Variants in TEX9 observed in about 807,000 individuals in gnomAD.
TEX9 encodes testis-expressed protein 9.
In TEX9, 74 loss-of-function variants were observed where a neutral mutation model predicts 59.6. The ratio of observed to expected loss-of-function variants is 1.24; its 90% CI spans 1.03 to 1.51. The LOEUF (loss-of-function observed/expected upper bound fraction) is 1.51. Among genes scored for constraint, TEX9 ranks in the 40% most tolerant of loss-of-function variants. The pLI is 0.00. For synonymous variants in TEX9, 186 were observed against 152.2 expected (o/e 1.22, Z -1.64); for missense variants, 522 against 447.8 (o/e 1.17, Z -1.49).
At chr15:56,430,663 A>C (rs2050564363) in intron 12 of TEX9, among the ~76,000 whole-genome samples, 1 of 152,180 alleles carries the variant, frequency 6.6e-6, no homozygotes, top group South Asian at 2.1e-4. Context: ...TACTGGTGTT[A>C]CCAGTGACAA....
At chr15:56,340,567 C>T (rs1480439871) in intron 1 of TEX9, among the ~76,000 whole-genome samples, 1 of 152,110 alleles carries the variant, frequency 6.6e-6, no homozygotes, top group East Asian at 1.9e-4. Context: ...AGATCCTTGC[C>T]AGGGTGTTAA....
chr15:56,334,878 A>G (rs1170058260), intron 1 of TEX9, among the ~76,000 whole-genome samples: 4 of 152,198 alleles, frequency 2.6e-5, no homozygotes, highest in African/African-American at 4.8e-5. Flanking sequence ...AAGAAGACAT[A>G]CAAATGGCAA....
intron 3 of TEX9, among the ~76,000 whole-genome samples, chr15:56,376,020 A>T (rs1242845253): frequency 6.8e-6 from 1 of 146,798 alleles, no homozygotes; most frequent in African/African-American, 2.5e-5. Flanking sequence ...GAATTGAACG[A>T]TGAGAACACG....
intron 1 of TEX9, among the ~76,000 whole-genome samples, chr15:56,250,639 A>G (rs1342934189): frequency 3.3e-5 from 5 of 152,214 alleles, no homozygotes; most frequent in Non-Finnish European, 2.9e-5. Context: ...GTATGTTTAC[A>G]TATTTTAAAG....
In TEX9 at chr15:56,365,763, G is replaced by C. The variant is rs149986480; in HGVS notation, c.119+93G>C. 1.5e-4 allele frequency: 227 copies of C among 1,545,330 alleles called. 1 individual carries two copies. The highest frequency in any genetic ancestry group is 8.6e-4 in the Middle Eastern group (5 of 5,812). ...TTTTCTGGAGACTGGCTGGATCTTC[G>C]GGACCACTCACTCTGCAGCATTCCC... On this transcript the variant is annotated intron_variant, in intron 2 of 12. Transcript: ENST00000352903.
intron 1 of TEX9, among the ~76,000 whole-genome samples, chr15:56,294,367 CTCT>C (rs2045170167): frequency 6.6e-6 from 1 of 152,178 alleles, no homozygotes; most frequent in African/African-American, 2.4e-5. Context: ...CTAACCTTGA[CTCT>C]TCTTCCTTCA....
At chr15:56,450,110 T>G (rs529576331), downstream of TEX9, among the ~76,000 whole-genome samples, 220 of 152,320 alleles carry the variant, frequency 1.4e-3, 1 homozygote, top group African/African-American at 4.9e-3. Context: ...AGAAGAGAAT[T>G]TGCAGTTTGT....
intron 1 of TEX9, among the ~76,000 whole-genome samples, chr15:56,343,187 AT>A (rs1352797106): frequency 1.3e-5 from 2 of 152,178 alleles, no homozygotes; most frequent in Admixed American, 1.3e-4. Flanking sequence ...AAATTAGAAA[AT>A]ATCTGAACTG....
At chr15:56,410,734 A>C (rs183972641) in intron 9 of TEX9, among the ~76,000 whole-genome samples, 6 of 152,326 alleles carry the variant, frequency 3.9e-5, no homozygotes, top group Admixed American at 3.3e-4. Flanking sequence ...ATAGGTTACA[A>C]AGTCATCAGC....
chr15:56,262,413 T>C (rs1472492318), intron 1 of TEX9, among the ~76,000 whole-genome samples: 1 of 152,228 alleles, frequency 6.6e-6, no homozygotes, highest in Non-Finnish European at 1.5e-5. Flanking sequence ...GATCTTCTAG[T>C]CATGTTTCTA....
chr15:56,322,997 A>G (rs2045936522), intron 1 of TEX9, among the ~76,000 whole-genome samples: 2 of 152,192 alleles, frequency 1.3e-5, no homozygotes, highest in South Asian at 4.1e-4. Flanking sequence ...TAACAAAAAT[A>G]AAGAACGGAG....
intron 1 of TEX9, among the ~76,000 whole-genome samples, chr15:56,310,952 G>C (rs2045596792): frequency 2.0e-5 from 3 of 152,208 alleles, no homozygotes; most frequent in South Asian, 4.1e-4. Flanking sequence ...GCTCTGGAAA[G>C]TCATAGGGAA....
intron 1 of TEX9, among the ~76,000 whole-genome samples, chr15:56,358,644 A>G (rs1268132601): frequency 2.0e-5 from 3 of 152,048 alleles, no homozygotes; most frequent in Admixed American, 1.3e-4. Context: ...GTATTTTACT[A>G]TGTCTTTTCC....
chr15:56,309,594 A>G lies in TEX9; in HGVS notation c.-106-63847A>G, dbSNP rs577661204. ...ATTGGCAAGTATTCTCTCCTTTTCT[A>G]TTTTTTAATGGAAAAGCTTGAGAAA... On this transcript the variant is annotated intron_variant, in intron 1 of 5. Transcript: ENST00000560827. Among the ~76,000 whole-genome samples, 308 of 141,618 alleles carry G rather than the reference A, an allele frequency of 2.2e-3. 1 individual carries two copies. Among genetic ancestry groups the G allele is most frequent in the African/African-American group, 7.8e-3 (292 of 37,622 alleles). 92.9% of individuals were successfully genotyped at this position (141,618 alleles called of 152,430 possible).
intron 12 of TEX9, among the ~76,000 whole-genome samples, chr15:56,441,480 A>G (rs576829659): frequency 3.9e-4 from 59 of 152,328 alleles, no homozygotes; most frequent in East Asian, 5.8e-4. Context: ...TTGAAATACC[A>G]TTCTGGACAT....
At chr15:56,366,451 G>A (rs1376564728) in intron 2 of TEX9, among the ~76,000 whole-genome samples, 1 of 152,054 alleles carries the variant, frequency 6.6e-6, no homozygotes, top group African/African-American at 2.4e-5. Flanking sequence ...AGTCACACAC[G>A]CCTTCAACCT....
intron 12 of TEX9, among the ~76,000 whole-genome samples, chr15:56,442,767 A>C (rs551335512): frequency 2.6e-5 from 4 of 152,276 alleles, no homozygotes; most frequent in African/African-American, 9.6e-5. Context: ...GTGAGGATCA[A>C]TAAACTACCT....
intron 1 of TEX9, among the ~76,000 whole-genome samples, chr15:56,346,385 C>T (rs1404393168): frequency 6.6e-6 from 1 of 152,158 alleles, no homozygotes; most frequent in East Asian, 1.9e-4. Context: ...TAGGGATGGG[C>T]TGAGGCAGGA....
chr15:56,406,863 A>T (rs757112170), intron 9 of TEX9, among the ~76,000 whole-genome samples: 1 of 152,172 alleles, frequency 6.6e-6, no homozygotes, highest in Non-Finnish European at 1.5e-5. Flanking sequence ...GTTTCTCTCA[A>T]TCCGACTTGG....
Sources: gnomAD v4.1 joint callset for allele counts (sites outside exome capture counted in the v4.1 genomes callset) on GRCh38, gnomAD v4.1.1 for gene constraint, MANE v1.5 for transcripts, NCBI Gene and HGNC (gene_info 2026-07-23, HGNC 2026-07-21) for gene names.